Variants in SLX4 observed in about 807,000 individuals in gnomAD.
SLX4 encodes the protein structure-specific endonuclease subunit SLX4.
A neutral mutation model predicts 146.2 loss-of-function variants in SLX4; 112 were observed. The ratio of observed to expected loss-of-function variants is 0.77; its 90% CI spans 0.66 to 0.90. The LOEUF (loss-of-function observed/expected upper bound fraction) is 0.90. SLX4 is among the 40% of genes least tolerant of loss of function. The probability of loss-of-function intolerance (pLI) is 0.00; values close to 1 mark genes in which losing one functional copy is unlikely to be tolerated. For synonymous variants in SLX4, 1,061 were observed against 997.7 expected, an observed-to-expected ratio of 1.06 and a Z score of -1.20; for missense variants, 2,563 against 2,392.7, an observed-to-expected ratio of 1.07 and a Z score of -1.49.
At chr16:3,584,704 TG>T in intron 13 of SLX4, 64 bp downstream of exon 13, 6 of 1,289,898 alleles carry the variant, frequency 4.7e-6, no homozygotes, top group Non-Finnish European at 6.8e-6. Context: ...CCCAGGTGTG[TG>T]AAACCCAGTT....
chr16:3,592,567 G>A (rs1350463146), intron 11 of SLX4, 132 bp downstream of exon 11: 6 of 1,104,220 alleles, frequency 5.4e-6, no homozygotes, highest in Non-Finnish European at 8.0e-6. Context: ...CATGGACTTG[G>A]GATTAAAAGG....
chr16:3,583,532 C>T (rs940298124), intron 13 of SLX4, 22 bp from the exon 14 acceptor site: 2 of 1,613,542 alleles, frequency 1.2e-6, no homozygotes, highest in African/African-American at 1.3e-5. Flanking sequence ...ACAGGTGGAT[C>T]TCAGGACCCA....
chr16:3,611,304 G>A (rs1437157290), intron 1 of SLX4, among the ~76,000 whole-genome samples: 2 of 152,204 alleles, frequency 1.3e-5, no homozygotes, highest in African/African-American at 4.8e-5. Flanking sequence ...CCCGATCCCC[G>A]GACTGGCCCG....
Position 3,608,858 on chromosome 16 carries a change from T to A in SLX4, c.107A>T (p.Glu36Val), listed in dbSNP as rs370082083. The change falls in exon 2 of 15, where the codon GAA (glutamate) becomes GTA (valine). Residue 36 changes from glutamate (E) to valine (V), a missense_variant. Coordinates refer to ENST00000294008, the MANE Select transcript of SLX4 (RefSeq NM_032444.4). Reference protein sequence around the residue: ...IDPRSSEDQPESLKTGQMMDE... With the variant: ...IDPRSSEDQPVSLKTGQMMDE... ...CATCATCTGACCAGTTTTAAGGCTT[T>A]CAGGCTGGTCTTCAGAGGAGCGAGG... 1.4e-4 allele frequency: 233 copies of A among 1,614,076 alleles called. No homozygotes were observed. Among genetic ancestry groups the A allele is most frequent in the Non-Finnish European group, 1.9e-4 (230 of 1,180,042 alleles).
chr16:3,601,331 G>T, intron 4 of SLX4, 140 bp from the exon 5 acceptor site: 1 of 828,402 alleles, frequency 1.2e-6, no homozygotes, highest in Non-Finnish European at 2.0e-6. Context: ...GCCTGGCTCC[G>T]TCTCCCGGCA....
rs140872903 is a variant in SLX4 at position 3,589,153 on chromosome 16, C to A, written c.4485G>T (p.Ala1495=). 2.5e-6 allele frequency: 4 copies of A among 1,614,096 alleles called. No homozygotes were observed. The highest frequency in any genetic ancestry group is 3.4e-6 in the Non-Finnish European group (4 of 1,179,988). Residue 1495 remains alanine, a synonymous_variant, in exon 12 of 15, where the codon GCG becomes GCT. Transcript: ENST00000294008. The surrounding 1 kb of genome is among the most constrained non-coding windows in gnomAD (Gnocchi z 6.2). ...TCGGCCTGCTATTCCCCAGGGAGCCCGCGCCCGAGGACTTCTCTTGCAATT... is the reference window on the plus strand; with the variant it reads ...TCGGCCTGCTATTCCCCAGGGAGCCAGCGCCCGAGGACTTCTCTTGCAATT... ...QRKLQEKSSG[A]GSLGNSRPSF... is the part of the protein sequence containing the mutation.
At chr16:3,600,838 T>C (rs2040718305) in intron 5 of SLX4, 141 bp downstream of exon 5, 3 of 815,376 alleles carry the variant, frequency 3.7e-6, no homozygotes, top group Admixed American at 2.1e-5. Context: ...TAAGGTGATC[T>C]GCCCACCTTG....
intron 3 of SLX4, among the ~76,000 whole-genome samples, chr16:3,602,772 G>A (rs932647983): frequency 2.0e-5 from 3 of 152,206 alleles, no homozygotes; most frequent in African/African-American, 7.2e-5. Flanking sequence ...CTTTCCTGCT[G>A]ACCTTTTACT....
Position 3,589,016 on chromosome 16 carries a change from C to A in SLX4, c.4622G>T (p.Gly1541Val). The A allele has an allele frequency of 1.2e-6, 2 of 1,614,110 alleles. No homozygotes were observed. The highest frequency in any genetic ancestry group is 3.3e-4 in the Middle Eastern group (2 of 6,062). ...PSAGGAQKPE[G>V]LETPKGANRK... ...TGGCTACTCACTGGGTGTCTCTAAC[C>A]CTTCGGGCTTCTGAGCTCCACCAGC... is the stretch of plus-strand genomic sequence containing the variant. Residue 1541 changes from glycine to valine, a missense_variant, in exon 12 of 15, where the codon GGG becomes GTG. Transcript: ENST00000294008. The surrounding 1 kb of genome is among the most constrained non-coding windows in gnomAD (Gnocchi z 6.2).
At chr16:3,592,590 TGTTA>T in intron 11 of SLX4, 105 bp downstream of exon 11, 1 of 1,275,274 alleles carries the variant, frequency 7.8e-7, no homozygotes, top group South Asian at 1.3e-5. Context: ...TAAACAGGAC[TGTTA>T]GTTCTCTTGG....
chr16:3,586,514 C>G (rs564404674), intron 12 of SLX4, among the ~76,000 whole-genome samples: 1 of 152,138 alleles, frequency 6.6e-6, no homozygotes, highest in African/African-American at 2.4e-5. Flanking sequence ...GAGCAAGACC[C>G]CTGACTCAAA....
intron 4 of SLX4, chr16:3,601,668 C>T (rs780942837): frequency 7.8e-5 from 24 of 309,076 alleles, no homozygotes; most frequent in Non-Finnish European, 1.3e-4. Context: ...GAAGCCTGCT[C>T]CATGCTACAA....
At chr16:3,604,362 C>T (rs2040760820) in intron 3 of SLX4, among the ~76,000 whole-genome samples, 1 of 151,892 alleles carries the variant, frequency 6.6e-6, no homozygotes, top group Non-Finnish European at 1.5e-5. Flanking sequence ...AAAAAGAAAC[C>T]AGCTACAAAA....
At position 3,597,482 on chromosome 16, in the gene SLX4, T is replaced by A; in HGVS notation, c.1580A>T (p.Gln527Leu). 1 of 1,614,076 alleles carries A rather than the reference T, an allele frequency of 6.2e-7. No homozygotes were observed. The highest frequency in any genetic ancestry group is 8.5e-7 in the Non-Finnish European group (1 of 1,180,024). Residue 527 changes from glutamine to leucine, a missense_variant, in exon 7 of 15, where the codon CAG becomes CTG. Coordinates refer to ENST00000294008, the MANE Select transcript of SLX4 (RefSeq NM_032444.4). This position sits in a 1 kb window ranked among gnomAD's most constrained non-coding sequence, Gnocchi z 4.4. Reference protein sequence around the residue: ...GQCPPPPERKQSFLWEGSALT... With the variant: ...GQCPPPPERKLSFLWEGSALT... Reference sequence around the variant, plus strand: ...TGCGCTGCCCTCCCACAGAAAGCTCTGCTTGCGTTCAGGTGGAGGAGGACA... The same window carrying A: ...TGCGCTGCCCTCCCACAGAAAGCTCAGCTTGCGTTCAGGTGGAGGAGGACA...
chr16:3,597,341 C>A lies in SLX4; in HGVS notation c.1683+38G>T. On this transcript the variant is annotated intron_variant, in intron 7 of 14. Coordinates refer to ENST00000294008, the MANE Select transcript of SLX4 (RefSeq NM_032444.4). The surrounding 1 kb of genome is among the most constrained non-coding windows in gnomAD (Gnocchi z 4.4). ...GCAGTTCTGGGATTGCCAACCTCCC[C>A]CAAAAGCCTATCCATGTGCCTGAGG... 2.7e-6 allele frequency: 4 copies of A among 1,486,674 alleles called. No homozygotes were observed. The highest frequency in any genetic ancestry group is 3.6e-6 in the Non-Finnish European group (4 of 1,114,760). The allele number at this position is 1,486,674 out of a possible 1,614,324, so 92.1% of individuals were successfully genotyped here. A position where few individuals can be genotyped will look rare whatever the true frequency, so the allele number is the denominator to read the frequency against.
chr16:3,604,560 C>T (rs951504827), intron 3 of SLX4, among the ~76,000 whole-genome samples: 2 of 152,076 alleles, frequency 1.3e-5, no homozygotes, highest in African/African-American at 2.4e-5. Context: ...CGGTGGCTCA[C>T]GTCTGTAATC....
intron 3 of SLX4, among the ~76,000 whole-genome samples, chr16:3,603,937 CAG>C (rs2040756078): frequency 6.6e-6 from 1 of 152,142 alleles, no homozygotes; most frequent in African/African-American, 2.4e-5. Flanking sequence ...TTCAAAAACT[CAG>C]TGTCATAGGG....
chr16:3,592,615 G>A (rs908271731), intron 11 of SLX4, 84 bp downstream of exon 11: 47 of 1,486,168 alleles, frequency 3.2e-5, no homozygotes, highest in East Asian at 9.7e-5. Context: ...CCTCAGCCCC[G>A]AGCCCTCTGC....
chr16:3,584,028 T>C (rs1358436895), intron 13 of SLX4, among the ~76,000 whole-genome samples: 2 of 151,898 alleles, frequency 1.3e-5, no homozygotes, highest in Non-Finnish European at 2.9e-5. Flanking sequence ...AAAGATATGC[T>C]GCTCCCAGTT....
Sources: gnomAD v4.1 joint callset for allele counts (sites outside exome capture counted in the v4.1 genomes callset) on GRCh38, gnomAD v4.1.1 for gene constraint, Gnocchi (gnomAD v3.1) non-coding constraint, MANE v1.5 for transcripts, NCBI Gene and HGNC (gene_info 2026-07-23, HGNC 2026-07-21) for gene names.